Variants in LTBP1 observed in about 807,000 individuals in gnomAD.
LTBP1 encodes latent transforming growth factor beta binding protein 1, also known as latent-transforming growth factor beta-binding protein 1.
Under a neutral mutation model 207.6 loss-of-function variants are expected in LTBP1, and 129 were observed. The observed-to-expected ratio is 0.62, with a 90% CI of 0.54 to 0.72. The LOEUF is 0.72. Among genes scored for constraint, LTBP1 ranks in the 30% least tolerant of loss-of-function variants. The probability of loss-of-function intolerance (pLI) is 0.00; values close to 1 mark genes in which losing one functional copy is unlikely to be tolerated. For missense variants in LTBP1, 2,281 were observed against 2,217.2 expected, an observed-to-expected ratio of 1.03 and a Z score of -0.58; for synonymous variants, 963 against 833.7, an observed-to-expected ratio of 1.16 and a Z score of -2.67.
intron 3 of LTBP1, among the ~76,000 whole-genome samples, chr2:33,037,294 G>A (rs1357418979): frequency 6.6e-6 from 1 of 152,148 alleles, no homozygotes; most frequent in Non-Finnish European, 1.5e-5. Context: ...TTAAGTCAGT[G>A]CCATGCTACT....
chr2:33,309,239 C>T (rs192786739), intron 22 of LTBP1, among the ~76,000 whole-genome samples, 195 bp from the exon 23 acceptor site: 1,578 of 148,808 alleles, frequency 0.011, 15 homozygotes, highest in Middle Eastern at 0.086. Context: ...GCCAAGATAG[C>T]GCCACTGCAC....
intron 3 of LTBP1, among the ~76,000 whole-genome samples, chr2:33,045,065 C>T (rs1430085829): frequency 6.6e-6 from 1 of 152,038 alleles, no homozygotes; most frequent in South Asian, 2.1e-4. Context: ...CTGTAGGTTG[C>T]CTGTTCACTC....
intron 24 of LTBP1, among the ~76,000 whole-genome samples, chr2:33,321,283 A>T (rs563631366): frequency 3.3e-4 from 50 of 152,166 alleles, no homozygotes; most frequent in African/African-American, 1.1e-3. Context: ...CTAACCCCAT[A>T]ACCTTCTTAG....
At chr2:33,389,787 GCACCA>G (rs1463541105) in intron 32 of LTBP1, among the ~76,000 whole-genome samples, 4 of 152,058 alleles carry the variant, frequency 2.6e-5, no homozygotes, top group African/African-American at 9.7e-5. Context: ...TTGCAGGCAC[GCACCA>G]CCATGCCCGG....
chr2:33,001,809 C>T lies in LTBP1; in HGVS notation c.566-19100C>T. 1.5e-5 allele frequency among the ~76,000 whole-genome samples: 2 copies of T among 135,170 alleles called. 1 individual carries two copies. Among genetic ancestry groups the T allele is most frequent in the Admixed American group, 1.5e-4 (2 of 13,134 alleles). 88.7% of individuals were successfully genotyped at this position (135,170 alleles called of 152,430 possible). ...TTGCCAGGGCTTGATTAGAATGTGA[C>T]AAGTCATTGCTGAACATTGGTTACC... On this transcript the variant is annotated intron_variant, in intron 2 of 33. Transcript: ENST00000404816.
In LTBP1 at chr2:33,397,254, C is replaced by G. The variant is rs1240815834; in HGVS notation, c.4956C>G (p.His1652Gln). The change falls in exon 33 of 34, where the codon CAC (histidine) becomes CAG (glutamine). Residue 1652 changes from histidine to glutamine, a missense_variant. Transcript: ENST00000404816. ...CCTGCGATTGCTTTGATGGGTATCA[C>G]TTGGATACGGCCAAGATGACCTGTG... is the stretch of plus-strand genomic sequence containing the variant. ...GYTCDCFDGY[H>Q]LDTAKMTCVD... is the part of the protein sequence containing the mutation. 1.2e-6 allele frequency: 2 copies of G among 1,614,096 alleles called. No individual in the cohort carries two copies. Among genetic ancestry groups the G allele is most frequent in the South Asian group, 2.2e-5 (2 of 91,086 alleles).
chr2:32,948,342 C>T (rs1676588441), intron 1 of LTBP1, among the ~76,000 whole-genome samples: 1 of 152,076 alleles, frequency 6.6e-6, no homozygotes. Flanking sequence ...GGTGGGGTGT[C>T]TTGGTATTGA....
chr2:33,226,351 G>C (rs1409825245), intron 9 of LTBP1, among the ~76,000 whole-genome samples: 3 of 152,160 alleles, frequency 2.0e-5, no homozygotes, highest in African/African-American at 7.2e-5. Flanking sequence ...TAAAGTAATT[G>C]ATCCTGGCAT....
At chr2:33,193,543 C>A (rs568536009) in intron 7 of LTBP1, among the ~76,000 whole-genome samples, 7 of 152,328 alleles carry the variant, frequency 4.6e-5, no homozygotes, top group African/African-American at 1.7e-4. Flanking sequence ...CTGCACCTCA[C>A]TTCCACTCTT....
At chr2:33,204,852 T>C (rs2089709208) in intron 7 of LTBP1, among the ~76,000 whole-genome samples, 1 of 152,256 alleles carries the variant, frequency 6.6e-6, no homozygotes. Flanking sequence ...ATGTCTCCCA[T>C]TTATTTATGT....
At chr2:33,083,535 G>A (rs1360262905) in intron 3 of LTBP1, among the ~76,000 whole-genome samples, 3 of 152,008 alleles carry the variant, frequency 2.0e-5, no homozygotes, top group Non-Finnish European at 2.9e-5. Context: ...GGAGAGGGGG[G>A]AATCTGGATT....
intron 9 of LTBP1, among the ~76,000 whole-genome samples, chr2:33,232,399 G>A (rs1285436438): frequency 1.3e-5 from 2 of 152,150 alleles, no homozygotes; most frequent in East Asian, 1.9e-4. Context: ...AGGCCATTAT[G>A]GCAACCTCTT....
intron 25 of LTBP1, among the ~76,000 whole-genome samples, chr2:33,345,877 C>T (rs928899451): frequency 6.6e-6 from 1 of 152,098 alleles, no homozygotes; most frequent in Non-Finnish European, 1.5e-5. Flanking sequence ...GCATTTCAGA[C>T]TTTAAGTCAG....
chr2:32,993,014 G>T (rs979710644), intron 2 of LTBP1, among the ~76,000 whole-genome samples: 2 of 152,094 alleles, frequency 1.3e-5, no homozygotes, highest in African/African-American at 4.8e-5. Context: ...AGGCAAGAAT[G>T]GTGAGTTTGG....
chr2:33,289,649 A>C (rs925586579), intron 19 of LTBP1, among the ~76,000 whole-genome samples: 1 of 152,184 alleles, frequency 6.6e-6, no homozygotes, highest in African/African-American at 2.4e-5. Flanking sequence ...TATAGACAAG[A>C]GCCACCACAC....
At chr2:32,998,553 T>C (rs1036830030) in intron 2 of LTBP1, among the ~76,000 whole-genome samples, 1 of 136,632 alleles carries the variant, frequency 7.3e-6, no homozygotes, top group Non-Finnish European at 1.6e-5. Flanking sequence ...AAAAGGTTGT[T>C]ATGAACTGAA....
chr2:33,333,638 A>G (rs994164312), intron 24 of LTBP1, among the ~76,000 whole-genome samples: 2 of 152,256 alleles, frequency 1.3e-5, no homozygotes, highest in East Asian at 3.9e-4. Context: ...CTGACATGGT[A>G]AAAAAACGAA....
rs751630713 is a variant in LTBP1, at chr2:33,186,975, A to G, written c.1321A>G (p.Lys441Glu). The change falls in exon 6 of 34, where the codon AAA (lysine) becomes GAA (glutamate). Residue 441 changes from lysine (K) to glutamate (E), a missense_variant. Transcript: ENST00000404816. Reference protein sequence around the residue: ...QIPVHGASVPKLYQHSQQPGK... With the variant: ...QIPVHGASVPELYQHSQQPGK... ...CCCAGTCCATGGTGCCAGCGTGCCT[A>G]AACTTTATCAGCATTCCCAGCAGCC... is the stretch of plus-strand genomic sequence containing the variant. The G allele has an allele frequency of 6.2e-7, 1 of 1,614,222 alleles. No homozygotes were observed. Among genetic ancestry groups the G allele is most frequent in the Non-Finnish European group, 8.5e-7 (1 of 1,180,032 alleles).
At chr2:33,314,315 G>A (rs72859543) in intron 23 of LTBP1, among the ~76,000 whole-genome samples, 2,309 of 152,224 alleles carry the variant, frequency 0.015, 62 homozygotes, top group African/African-American at 0.052. Flanking sequence ...TTTGGAAGGC[G>A]GAGACAGGAG....
Sources: gnomAD v4.1 joint callset for allele counts (sites outside exome capture counted in the v4.1 genomes callset) on GRCh38, gnomAD v4.1.1 for gene constraint, MANE v1.5 for transcripts, NCBI Gene and HGNC (gene_info 2026-07-23, HGNC 2026-07-21) for gene names.